The following MIER3 variants were observed in gnomAD, a reference collection of about 807,000 sequenced individuals.
The protein encoded by MIER3 is MIER family member 3.
MIER3 carries 9 observed loss-of-function variants against 63.2 expected under a neutral mutation model. That is an observed-to-expected ratio of 0.14 (90% confidence interval 0.09 to 0.25). The LOEUF (loss-of-function observed/expected upper bound fraction) is 0.25, where lower values mean the gene tolerates loss of function less well. MIER3 is among the 10% of genes least tolerant of loss of function. MIER3 has a pLI of 1.00. For synonymous variants in MIER3, 205 were observed against 224.9 expected (o/e 0.91, Z 0.79); for missense variants, 512 against 666.2 (o/e 0.77, Z 2.55).
intron 3 of MIER3, among the ~76,000 whole-genome samples, chr5:56,939,489 T>C (rs1008102210): frequency 2.0e-5 from 3 of 152,250 alleles, no homozygotes; most frequent in African/African-American, 7.2e-5. Flanking sequence ...GCAATATTTA[T>C]GTTCAAAGAA....
At chr5:56,929,974 T>C (rs1009898824) in intron 9 of MIER3, among the ~76,000 whole-genome samples, 3 of 152,230 alleles carry the variant, frequency 2.0e-5, no homozygotes, top group Non-Finnish European at 4.4e-5. Context: ...AAATAATTTT[T>C]TTTCAAAGAA....
At position 56,952,118 on chromosome 5, in the gene MIER3, G is replaced by C. The variant is rs1405366643; in HGVS notation, c.-16C>G. The C allele has an allele frequency of 7.8e-7, 1 of 1,289,050 alleles. No homozygotes were observed. Among genetic ancestry groups the C allele is most frequent in the Non-Finnish European group, 1.0e-6 (1 of 1,000,846 alleles). 79.9% of individuals were successfully genotyped at this position (1,289,050 alleles called of 1,614,324 possible). On this transcript the variant is annotated 5_prime_UTR_variant, in exon 1 of 13. Coordinates refer to ENST00000381199, the MANE Select transcript of MIER3 (RefSeq NM_001297599.2). ...CCTCCGCCATATTGGTACCTTTAGGGCGAACGAGCAGCGCCGAGCCCAGTC... is the reference window on the plus strand; with the variant it reads ...CCTCCGCCATATTGGTACCTTTAGGCCGAACGAGCAGCGCCGAGCCCAGTC...
intron 1 of MIER3, among the ~76,000 whole-genome samples, chr5:56,950,916 A>G (rs1751002214): frequency 1.3e-5 from 2 of 151,870 alleles, no homozygotes; most frequent in African/African-American, 2.4e-5. Flanking sequence ...CGCTTCTTGG[A>G]GCTCAGCAAG....
intron 2 of MIER3, among the ~76,000 whole-genome samples, chr5:56,947,383 T>C (rs1414199323): frequency 6.6e-6 from 1 of 152,122 alleles, no homozygotes; most frequent in Non-Finnish European, 1.5e-5. Context: ...ATAGAAAAAG[T>C]CAAACTTGCT....
rs1279465868 is a variant in MIER3, at chr5:56,920,260, T to C, written c.*2868A>G. 6.6e-6 allele frequency: 1 copy of C among 152,508 alleles called. No individual in the cohort carries two copies. Among genetic ancestry groups the C allele is most frequent in the South Asian group, 2.1e-4 (1 of 4,832 alleles). 9.4% of individuals were successfully genotyped at this position (152,508 alleles called of 1,614,324 possible). ...CCATGACAAGAGGAAAACTAAACAT[T>C]TAAAAAGCTAGCATGAAAAAGATGA... On this transcript the variant is annotated 3_prime_UTR_variant, in exon 13 of 13. Coordinates refer to ENST00000381199, the MANE Select transcript of MIER3 (RefSeq NM_001297599.2).
intron 1 of MIER3, 44 bp from the exon 2 acceptor site, chr5:56,950,696 G>A (rs200490750): frequency 3.7e-6 from 6 of 1,610,104 alleles, no homozygotes; most frequent in East Asian, 4.5e-5. Flanking sequence ...CGCACAGCCA[G>A]GGAAAGAGGC....
At chr5:56,949,671 G>GTAAGGAAACTGACTATTCACTC (rs1750950170) in intron 2 of MIER3, among the ~76,000 whole-genome samples, 2 of 152,164 alleles carry the variant, frequency 1.3e-5, no homozygotes, top group African/African-American at 4.8e-5. Flanking sequence ...AAGTAATAGT[G>GTAAGGAAACTGACTATTCACTC]TAAGGAAACT....
At chr5:56,940,805 C>T (rs1276369804) in intron 3 of MIER3, among the ~76,000 whole-genome samples, 1 of 152,184 alleles carries the variant, frequency 6.6e-6, no homozygotes, top group Non-Finnish European at 1.5e-5. Flanking sequence ...GCTAACAAGA[C>T]TCAAATTTAG....
chr5:56,950,771 A>C (rs1288585042), intron 1 of MIER3, 119 bp from the exon 2 acceptor site: 23 of 1,151,244 alleles, frequency 2.0e-5, no homozygotes, highest in Non-Finnish European at 2.8e-5. Flanking sequence ...CAAAAGTGCA[A>C]GACGTAGCTT....
chr5:56,948,922 G>A (rs1487233569), intron 2 of MIER3, among the ~76,000 whole-genome samples: 1 of 152,124 alleles, frequency 6.6e-6, no homozygotes, highest in Non-Finnish European at 1.5e-5. Flanking sequence ...GTCAAAAATC[G>A]AAGGACCTGA....
chr5:56,934,059 C>A (rs1750361966), intron 7 of MIER3, among the ~76,000 whole-genome samples: 1 of 152,064 alleles, frequency 6.6e-6, no homozygotes, highest in African/African-American at 2.4e-5. Context: ...ATGCACTCTG[C>A]CACTTTACTC....
chr5:56,926,153 C>G (rs1376226612), intron 10 of MIER3, among the ~76,000 whole-genome samples: 1 of 151,880 alleles, frequency 6.6e-6, no homozygotes, highest in Non-Finnish European at 1.5e-5. Flanking sequence ...TCTTAGAAGA[C>G]AACAGTAGAA....
At chr5:56,929,005 A>ACACT (rs777014337) in intron 9 of MIER3, 144 bp from the exon 10 acceptor site, 32 of 510,946 alleles carry the variant, frequency 6.3e-5, no homozygotes, top group African/African-American at 6.2e-4. Flanking sequence ...ACACACACAC[A>ACACT]CTCTCTCTCT....
At position 56,923,254 on chromosome 5, in the gene MIER3, T is replaced by C; in HGVS notation, c.1527A>G (p.Thr509=). ...CCATTTTGGCACTGGTGATGTGATG[T>C]GTGTGATTTTCAAAGTCCACACCCA... ...NNLGVDFENH[T]HHITSAKMAV... Residue 509 remains threonine, a synonymous_variant, in exon 13 of 13, where the codon ACA becomes ACG. Coordinates refer to ENST00000381199, the MANE Select transcript of MIER3 (RefSeq NM_001297599.2). 1 of 1,614,134 alleles carries C rather than the reference T, an allele frequency of 6.2e-7. No individual in the cohort carries two copies. The highest frequency in any genetic ancestry group is 1.1e-5 in the South Asian group (1 of 91,076).
intron 5 of MIER3, among the ~76,000 whole-genome samples, chr5:56,936,154 T>G (rs1579851447): frequency 6.6e-6 from 1 of 151,818 alleles, no homozygotes; most frequent in South Asian, 2.1e-4. Flanking sequence ...GAGGCAAAGG[T>G]GGCAGTAAGC....
chr5:56,949,738 T>C (rs1750952925), intron 2 of MIER3, among the ~76,000 whole-genome samples: 1 of 152,188 alleles, frequency 6.6e-6, no homozygotes, highest in Admixed American at 6.5e-5. Context: ...TCATCTGTGC[T>C]CCACCACTAA....
Position 56,935,361 on chromosome 5 carries a change from T to C in MIER3, c.595+67A>G, listed in dbSNP as rs555367842. The C allele has an allele frequency of 1.5e-5, 18 of 1,226,420 alleles. No individual in the cohort carries two copies. The South Asian group carries it at 2.5e-4, about 17-fold the overall frequency. The allele number at this position is 1,226,420 out of a possible 1,614,324, so 76.0% of individuals were successfully genotyped here. ...GCCAAGGCTGGTATAAAGCCAGATA[T>C]TTAAATACACTTATCAAGTGGTAAC... On this transcript the variant is annotated intron_variant, in intron 7 of 12. Transcript: ENST00000381199.
intron 8 of MIER3, among the ~76,000 whole-genome samples, chr5:56,931,231 G>A (rs1442183969): frequency 6.6e-6 from 1 of 152,144 alleles, no homozygotes; most frequent in Non-Finnish European, 1.5e-5. Context: ...ACTATGAAAG[G>A]TGCCACTTTT....
In MIER3 at chr5:56,922,917, T is replaced by C. The variant is rs1579828311; in HGVS notation, c.*211A>G. The C allele has an allele frequency of 1.8e-6, 1 of 557,540 alleles. No homozygotes were observed. The highest frequency in any genetic ancestry group is 3.0e-5 in the East Asian group (1 of 32,810). The allele number at this position is 557,540 out of a possible 1,614,324, so 34.5% of individuals were successfully genotyped here. A position where few individuals can be genotyped will look rare whatever the true frequency, so the allele number is the denominator to read the frequency against. On this transcript the variant is annotated 3_prime_UTR_variant, in exon 13 of 13. Coordinates refer to ENST00000381199, the MANE Select transcript of MIER3 (RefSeq NM_001297599.2). ...GCTGCACCACAGAGTTCAATCTTAGTTCCCAACTCTGCTGATCATAGTTCA... is the reference window on the plus strand; with the variant it reads ...GCTGCACCACAGAGTTCAATCTTAGCTCCCAACTCTGCTGATCATAGTTCA...
Sources: gnomAD v4.1 joint callset for allele counts (sites outside exome capture counted in the v4.1 genomes callset) on GRCh38, gnomAD v4.1.1 for gene constraint, MANE v1.5 for transcripts, NCBI Gene and HGNC (gene_info 2026-07-23, HGNC 2026-07-21) for gene names.